The following LGI2 variants were observed in gnomAD, a reference collection of about 807,000 sequenced individuals.
LGI2 encodes leucine rich repeat LGI family member 2.
A neutral mutation model predicts 52.0 loss-of-function variants in LGI2; 30 were observed. The observed-to-expected ratio is 0.58, with a 90% CI of 0.43 to 0.78. LGI2 has a LOEUF of 0.78. Among genes scored for constraint, LGI2 ranks in the 30% least tolerant of loss-of-function variants. The probability of loss-of-function intolerance (pLI) is 0.00; values close to 1 mark genes in which losing one functional copy is unlikely to be tolerated. For synonymous variants in LGI2, 270 were observed against 271.8 expected, an observed-to-expected ratio of 0.99 and a Z score of 0.06; for missense variants, 573 against 692.5, an observed-to-expected ratio of 0.83 and a Z score of 1.94.
intron 6 of LGI2, 26 bp downstream of exon 6, chr4:25,017,963 T>C: frequency 6.4e-7 from 1 of 1,569,790 alleles, no homozygotes; most frequent in South Asian, 1.2e-5. Flanking sequence ...TAAATATCCG[T>C]GTCTGATGAG....
At chr4:24,993,635 C>T in the LGI2 span, among the ~76,000 whole-genome samples, 2 of 152,150 alleles carry the variant, frequency 1.3e-5, no homozygotes, top group Non-Finnish European at 2.9e-5. Flanking sequence ...GTTAATTTCA[C>T]ATCTTTAATT....
chr4:25,026,601 T>C (rs1041602152), intron 3 of LGI2, among the ~76,000 whole-genome samples: 3 of 152,226 alleles, frequency 2.0e-5, no homozygotes, highest in Non-Finnish European at 4.4e-5. Context: ...TTGTGCTTAC[T>C]ACATGACAAA....
At position 25,028,047 on chromosome 4, in the gene LGI2, G is replaced by A. The variant is rs73804973; in HGVS notation, c.269+460C>T. Among the ~76,000 whole-genome samples the A allele has an allele frequency of 8.3e-3, 1,259 of 152,298 alleles. 17 individuals carry two copies. The highest frequency in any genetic ancestry group is 0.028 in the African/African-American group (1,184 of 41,564). On this transcript the variant is annotated intron_variant, in intron 2 of 7. Coordinates refer to ENST00000382114, the MANE Select transcript of LGI2 (RefSeq NM_018176.4). ...ATCATAAGCATGCCTTCATCATACC[G>A]ATGAAGTGATGATGAAATAAAATTA...
At position 25,003,406 on chromosome 4, in the gene LGI2, G is replaced by T; in HGVS notation, c.*45C>A. 7.4e-7 allele frequency: 1 copy of T among 1,349,220 alleles called. No individual in the cohort carries two copies. Among genetic ancestry groups the T allele is most frequent in the African/African-American group, 1.5e-5 (1 of 68,212 alleles). The allele number at this position is 1,349,220 out of a possible 1,614,324, so 83.6% of individuals were successfully genotyped here. On this transcript the variant is annotated 3_prime_UTR_variant, in exon 8 of 8. Coordinates refer to ENST00000382114, the MANE Select transcript of LGI2 (RefSeq NM_018176.4). ...TGTTGATTTTTCTTGGTCCTCTTTT[G>T]TGAGAGCTAATGCTACATTTCTCTT... is the stretch of plus-strand genomic sequence containing the variant.
Position 25,021,930 on chromosome 4 carries a change from CAA to C in LGI2, c.414-2694_414-2693del, listed in dbSNP as rs35526176. On this transcript the variant is annotated intron_variant, in intron 4 of 7. Coordinates refer to ENST00000382114, the MANE Select transcript of LGI2 (RefSeq NM_018176.4). ...TAGGTAGCAGAGAGAGATTCCATCT[CAA>C]AAAAAAAAAAAAAAAAACAAAGCCA... Among the ~76,000 whole-genome samples the C allele has an allele frequency of 4.2e-4, 32 of 76,544 alleles. No individual in the cohort carries two copies. The East Asian group carries it at 0.01, about 25-fold the overall frequency. 50.2% of individuals were successfully genotyped at this position (76,544 alleles called of 152,430 possible).
chr4:25,028,896 T>C (rs1384610979), intron 1 of LGI2, among the ~76,000 whole-genome samples: 2 of 152,200 alleles, frequency 1.3e-5, no homozygotes, highest in East Asian at 1.9e-4. Context: ...TGCCTGAAAA[T>C]GGATAATCGC....
intron 1 of LGI2, 100 bp downstream of exon 1, chr4:25,030,397 G>C (rs1363747166): frequency 2.3e-6 from 3 of 1,278,724 alleles, no homozygotes; most frequent in Non-Finnish European, 3.3e-6. Flanking sequence ...CCTGGGGAGT[G>C]GGTCAGGGTC....
At chr4:25,023,573 G>C (rs1384070205) in intron 4 of LGI2, among the ~76,000 whole-genome samples, 1 of 152,172 alleles carries the variant, frequency 6.6e-6, no homozygotes, top group African/African-American at 2.4e-5. Flanking sequence ...ATCGGGGCTT[G>C]ATGTGAATGG....
intron 7 of LGI2, among the ~76,000 whole-genome samples, chr4:25,011,625 G>A (rs1439569008): frequency 6.6e-6 from 1 of 152,162 alleles, no homozygotes; most frequent in Non-Finnish European, 1.5e-5. Context: ...ACCTCTAAAG[G>A]AAACCCTCTC....
At chr4:25,013,205 G>A (rs1725647917) in intron 6 of LGI2, among the ~76,000 whole-genome samples, 1 of 152,210 alleles carries the variant, frequency 6.6e-6, no homozygotes, top group South Asian at 2.1e-4. Flanking sequence ...CCTTTTAGAG[G>A]TGCCCCTCCC....
intron 6 of LGI2, among the ~76,000 whole-genome samples, chr4:25,014,629 G>A (rs1322419905): frequency 6.6e-6 from 1 of 152,082 alleles, no homozygotes; most frequent in Admixed American, 6.6e-5. Flanking sequence ...AGGAGTTTGA[G>A]ACCAGACTAG....
Position 25,028,426 on chromosome 4 carries a change from G to A in LGI2, c.269+81C>T, listed in dbSNP as rs567189142. 6 of 1,307,470 alleles carry A rather than the reference G, an allele frequency of 4.6e-6. No homozygotes were observed. The South Asian group carries it at 7.4e-5, about 16-fold the overall frequency. The allele number at this position is 1,307,470 out of a possible 1,614,324, so 81.0% of individuals were successfully genotyped here. On this transcript the variant is annotated intron_variant, in intron 2 of 7. Coordinates refer to ENST00000382114, the MANE Select transcript of LGI2 (RefSeq NM_018176.4). ...GAGCTGGGGTACTTTAGGAAGGGCT[G>A]ATACCAAAGAGGCAGAGACGGCCCT...
At chr4:25,009,218 C>T (rs1442380116) in intron 7 of LGI2, among the ~76,000 whole-genome samples, 1 of 152,214 alleles carries the variant, frequency 6.6e-6, no homozygotes, top group Non-Finnish European at 1.5e-5. Flanking sequence ...ACTTTGGACT[C>T]ATCAACTGCA....
intron 6 of LGI2, 132 bp from the exon 7 acceptor site, chr4:25,012,631 A>T (rs1409042112): frequency 1.3e-5 from 11 of 856,158 alleles, no homozygotes; most frequent in Non-Finnish European, 1.8e-5. Flanking sequence ...GAGAGATGCA[A>T]CACAAACATC....
intron 1 of LGI2, among the ~76,000 whole-genome samples, chr4:25,029,580 G>A (rs560138336): frequency 5.2e-4 from 79 of 152,346 alleles, no homozygotes; most frequent in African/African-American, 1.8e-3. Context: ...TAGCAGTAAA[G>A]ATACAGCCCA....
chr4:25,014,484 C>CAAAAA (rs11443287), intron 6 of LGI2, among the ~76,000 whole-genome samples: 2 of 116,794 alleles, frequency 1.7e-5, no homozygotes, highest in South Asian at 3.0e-4. Flanking sequence ...CCGCCCCCGC[C>CAAAAA]AAAAAAAAGG....
chr4:25,000,998 C>T lies in LGI2; in HGVS notation c.*2453G>A, dbSNP rs1303776236. ...TATCTCCTTCCACAGCACAGGCGCT[C>T]TGTAGACTACAGGCTTTAGTCTTGT... On this transcript the variant is annotated 3_prime_UTR_variant, in exon 8 of 8. Transcript: ENST00000382114. The T allele has an allele frequency of 6.6e-6, 1 of 152,222 alleles. No homozygotes were observed. The highest frequency in any genetic ancestry group is 1.5e-5 in the Non-Finnish European group (1 of 68,058). 9.4% of individuals were successfully genotyped at this position (152,222 alleles called of 1,614,324 possible). A position where few individuals can be genotyped will look rare whatever the true frequency, so the allele number is the denominator to read the frequency against.
chr4:25,027,769 A>T (rs1726195966), intron 2 of LGI2, among the ~76,000 whole-genome samples: 1 of 152,254 alleles, frequency 6.6e-6, no homozygotes, highest in Non-Finnish European at 1.5e-5. Flanking sequence ...GTGTACTCTT[A>T]CTTTGCCTGT....
In LGI2 at chr4:25,010,472, C is replaced by A. The variant is rs1262467036; in HGVS notation, c.820+1863G>T. 2.0e-5 allele frequency among the ~76,000 whole-genome samples: 3 copies of A among 152,120 alleles called. No individual in the cohort carries two copies. In the East Asian group the frequency reaches 5.8e-4, roughly 29 times the overall value. ...AAAAGGATGGCAGCTTTGAGAAGCG[C>A]CCGCTCTGTGCACTCAATCCTCATA... On this transcript the variant is annotated intron_variant, in intron 7 of 7. Coordinates refer to ENST00000382114, the MANE Select transcript of LGI2 (RefSeq NM_018176.4).
Sources: gnomAD v4.1 joint callset for allele counts (sites outside exome capture counted in the v4.1 genomes callset) on GRCh38, gnomAD v4.1.1 for gene constraint, MANE v1.5 for transcripts, NCBI Gene and HGNC (gene_info 2026-07-23, HGNC 2026-07-21) for gene names.